The following TRHDE variants were observed in gnomAD, a reference collection of about 807,000 sequenced individuals.
TRHDE encodes thyrotropin releasing hormone degrading enzyme.
A neutral mutation model predicts 125.7 loss-of-function variants in TRHDE; 72 were observed. That is an observed-to-expected ratio of 0.57 (90% CI 0.47 to 0.70). The LOEUF is 0.70. Among genes scored for constraint, TRHDE ranks in the 30% least tolerant of loss-of-function variants. The pLI is 0.00. For missense variants in TRHDE, 1,110 were observed against 1,327.1 expected (o/e 0.84, Z 2.54); for synonymous variants, 509 against 509.1 (o/e 1.00, Z 0.00).
chr12:72,308,554 T>C (rs1184217608), intron 2 of TRHDE, among the ~76,000 whole-genome samples: 1 of 152,188 alleles, frequency 6.6e-6, no homozygotes, highest in Non-Finnish European at 1.5e-5. Flanking sequence ...AGGACGATTT[T>C]TCTTCAATTC....
chr12:72,631,881 C>T (rs895536780), intron 15 of TRHDE, among the ~76,000 whole-genome samples: 1 of 151,942 alleles, frequency 6.6e-6, no homozygotes, highest in African/African-American at 2.4e-5. Flanking sequence ...TCTGAGGAAT[C>T]AGCCTTGTTA....
At chr12:72,139,538 G>A (rs1876065422) in intron 2 of TRHDE, among the ~76,000 whole-genome samples, 1 of 152,166 alleles carries the variant, frequency 6.6e-6, no homozygotes, top group Admixed American at 6.5e-5. Flanking sequence ...TATGAATAGA[G>A]ATGTCTTCAG....
At chr12:72,113,614 A>G (rs540956362) in intron 2 of TRHDE, among the ~76,000 whole-genome samples, 1 of 151,986 alleles carries the variant, frequency 6.6e-6, no homozygotes, top group African/African-American at 2.4e-5. Flanking sequence ...CTTTAATTAC[A>G]TGATTGGTTC....
intron 3 of TRHDE, among the ~76,000 whole-genome samples, chr12:72,457,074 C>A (rs186087870): frequency 1.3e-3 from 192 of 152,234 alleles, no homozygotes; most frequent in South Asian, 2.1e-3. Context: ...CAATGCCTCC[C>A]AGCTGATACA....
At chr12:72,214,510 A>G (rs1877845684) in intron 2 of TRHDE, among the ~76,000 whole-genome samples, 1 of 152,200 alleles carries the variant, frequency 6.6e-6, no homozygotes, top group Admixed American at 6.5e-5. Context: ...AGATATTTTG[A>G]AGTGCTGGCT....
chr12:72,619,756 C>G (rs1313112547), intron 13 of TRHDE, among the ~76,000 whole-genome samples: 2 of 152,080 alleles, frequency 1.3e-5, no homozygotes, highest in African/African-American at 4.8e-5. Flanking sequence ...TGTTTGAACA[C>G]TATTTGTTTT....
intron 7 of TRHDE, among the ~76,000 whole-genome samples, chr12:72,557,238 T>C (rs535966146): frequency 1.3e-5 from 2 of 152,300 alleles, no homozygotes; most frequent in East Asian, 3.9e-4. Flanking sequence ...AGAAATTCTG[T>C]ATCTTTCCTC....
At chr12:72,202,116 T>C (rs902841005) in intron 2 of TRHDE, among the ~76,000 whole-genome samples, 1 of 152,206 alleles carries the variant, frequency 6.6e-6, no homozygotes, top group Non-Finnish European at 1.5e-5. Context: ...GTGAGATGAC[T>C]GAAATCAGAT....
intron 3 of TRHDE, among the ~76,000 whole-genome samples, chr12:72,460,314 T>C (rs1236636982): frequency 1.3e-5 from 2 of 152,188 alleles, no homozygotes; most frequent in African/African-American, 2.4e-5. Context: ...AGTAATGTGC[T>C]GGGGCAGAAT....
At chr12:72,365,217 CTG>C (rs1316778131) in intron 2 of TRHDE, among the ~76,000 whole-genome samples, 2 of 152,076 alleles carry the variant, frequency 1.3e-5, no homozygotes, top group Non-Finnish European at 2.9e-5. Context: ...CATATTTTCC[CTG>C]TGTGTTAGGC....
At chr12:72,113,587 C>T (rs886280701) in intron 2 of TRHDE, among the ~76,000 whole-genome samples, 3 of 151,824 alleles carry the variant, frequency 2.0e-5, no homozygotes, top group Non-Finnish European at 4.4e-5. Flanking sequence ...CATGAGCCAC[C>T]GCACCCAATT....
intron 6 of TRHDE, among the ~76,000 whole-genome samples, chr12:72,515,368 T>A (rs1458146069): frequency 6.8e-6 from 1 of 147,366 alleles, no homozygotes; most frequent in Admixed American, 6.8e-5. Context: ...TGGTTTTGAT[T>A]TGCATTTCTC....
Position 72,331,585 on chromosome 12 carries a change from G to T in TRHDE, c.1188+44631G>T, listed in dbSNP as rs369642920. ...CCTGGGAAGGGTGGCATCAGGTATG[G>T]CTGAGCAAGCTGGGCGAGACTTCAT... On this transcript the variant is annotated intron_variant, in intron 2 of 18. Coordinates refer to ENST00000261180, the MANE Select transcript of TRHDE (RefSeq NM_013381.3). Among the ~76,000 whole-genome samples the T allele has an allele frequency of 3.9e-5, 6 of 152,302 alleles. No homozygotes were observed. The East Asian group carries it at 7.7e-4, about 20-fold the overall frequency.
chr12:72,380,726 C>G (rs562308545), intron 3 of TRHDE, among the ~76,000 whole-genome samples: 14 of 109,548 alleles, frequency 1.3e-4, no homozygotes, highest in South Asian at 2.7e-4. Context: ...TTCCTTCCTT[C>G]CTTCCTTGCT....
intron 2 of TRHDE, among the ~76,000 whole-genome samples, chr12:72,310,226 T>C (rs1394989223): frequency 6.6e-6 from 1 of 152,198 alleles, no homozygotes; most frequent in Non-Finnish European, 1.5e-5. Flanking sequence ...GAGACAATAA[T>C]AGTATCCACC....
At chr12:72,272,267 C>T (rs550499616), upstream of TRHDE, 84 of 366,104 alleles carry the variant, frequency 2.3e-4, no homozygotes, top group African/African-American at 1.7e-3. This position sits in a 1 kb window ranked among gnomAD's most constrained non-coding sequence, Gnocchi z 6.7. Context: ...TGGAAGGCTC[C>T]CGCGGAAAGC....
At position 72,563,002 on chromosome 12, in the gene TRHDE, C is replaced by T. The variant is rs79522035; in HGVS notation, c.2004C>T (p.Ile668=). Residue 668 remains isoleucine, a synonymous_variant, in exon 9 of 19, where the codon ATC becomes ATT. Coordinates refer to ENST00000261180, the MANE Select transcript of TRHDE (RefSeq NM_013381.3). The part of the protein sequence containing the change: ...IITQQHFIYD[I]SAKTKALKLQ... ...CCCAACAGCATTTTATCTATGATAT[C>T]AGTGCTAAAACTAAAGCACTTAAAC... 57,839 of 1,605,210 alleles carry T rather than the reference C, an allele frequency of 0.036. 1,271 individuals carry two copies. Among genetic ancestry groups the T allele is most frequent in the Non-Finnish European group, 0.039 (46,055 of 1,175,202 alleles).
At chr12:72,345,324 A>G (rs1870278011) in intron 2 of TRHDE, among the ~76,000 whole-genome samples, 1 of 152,236 alleles carries the variant, frequency 6.6e-6, no homozygotes, top group South Asian at 2.1e-4. Flanking sequence ...TATGGTGTAT[A>G]TACTCACACT....
chr12:72,543,295 T>C (rs1869244282), intron 7 of TRHDE, among the ~76,000 whole-genome samples: 1 of 151,564 alleles, frequency 6.6e-6, no homozygotes. Context: ...AAACTCTCTC[T>C]CTATACTTAA....
Sources: gnomAD v4.1 joint callset for allele counts (sites outside exome capture counted in the v4.1 genomes callset) on GRCh38, gnomAD v4.1.1 for gene constraint, Gnocchi (gnomAD v3.1) non-coding constraint, MANE v1.5 for transcripts, NCBI Gene and HGNC (gene_info 2026-07-23, HGNC 2026-07-21) for gene names.